CEP44: variants seen among roughly 807,000 people sequenced by gnomAD.
CEP44 encodes centrosomal protein 44.
A neutral mutation model predicts 46.7 loss-of-function variants in CEP44; 45 were observed. That is an observed-to-expected ratio of 0.96 (90% CI 0.76 to 1.24). The LOEUF (loss-of-function observed/expected upper bound fraction) is 1.24. CEP44 is among the 50% of genes most tolerant of loss of function. The probability of loss-of-function intolerance (pLI) is 0.00; values close to 1 mark genes in which losing one functional copy is unlikely to be tolerated. For synonymous variants in CEP44, 142 were observed against 146.0 expected (o/e 0.97, Z 0.20); for missense variants, 475 against 459.7 (o/e 1.03, Z -0.30).
exon 9 of CEP44, chr4:174,332,079 T>A (rs181151760): frequency 6.5e-6 from 1 of 152,978 alleles, no homozygotes; most frequent in Admixed American, 6.5e-5. Context: ...AGATCACACA[T>A]AGGTAAACTG....
rs1313576309 is a variant in CEP44 at position 174,331,090 on chromosome 4, G to T, written c.1087-392G>T. On this transcript the variant is annotated intron_variant, in intron 8 of 8. Coordinates refer to the CEP44 transcript ENST00000426172. The surrounding 1 kb of genome is among the most constrained non-coding windows in gnomAD (Gnocchi z 4.5). ...CCATAAAAGGTATACTTTTCTATAG[G>T]AATTGTTGTTTAAGTGTATGCTCAT... Among the ~76,000 whole-genome samples the T allele has an allele frequency of 6.6e-6, 1 of 151,946 alleles. No individual in the cohort carries two copies. Among genetic ancestry groups the T allele is most frequent in the Non-Finnish European group, 1.5e-5 (1 of 67,990 alleles).
At chr4:174,293,111 A>G (rs1448408211) in intron 1 of CEP44, among the ~76,000 whole-genome samples, 21 of 152,168 alleles carry the variant, frequency 1.4e-4, no homozygotes, top group African/African-American at 2.4e-5. Flanking sequence ...GTCTGCTTAC[A>G]TGTTCAAAAT....
rs1741101316 is a variant in CEP44, at chr4:174,311,717, T to A, written c.961+859T>A. Among the ~76,000 whole-genome samples the A allele has an allele frequency of 6.6e-6, 1 of 152,174 alleles. No individual in the cohort carries two copies. Among genetic ancestry groups the A allele is most frequent in the Non-Finnish European group, 1.5e-5 (1 of 68,000 alleles). ...TTTTATATTTTACAGTTGAGGAAAC[T>A]GAAGTACAGCAAAATTAAGTAACTA... is the stretch of plus-strand genomic sequence containing the variant. On this transcript the variant is annotated intron_variant, in intron 9 of 11. Transcript: ENST00000503780. The surrounding 1 kb of genome is among the most constrained non-coding windows in gnomAD (Gnocchi z 4.4).
chr4:174,319,883 A>G lies in CEP44; in HGVS notation c.*2500A>G. ...TTTTAAAAAGTTTTCTTGTTTAGGC[A>G]ATTTGGTAAGTGGTTTCTAGTTATA... On this transcript the variant is annotated 3_prime_UTR_variant, in exon 12 of 12. Coordinates refer to ENST00000503780, the MANE Select transcript of CEP44 (RefSeq NM_001040157.3). 1.0e-6 allele frequency: 1 copy of G among 985,300 alleles called. No homozygotes were observed. Among genetic ancestry groups the G allele is most frequent in the Non-Finnish European group, 1.2e-6 (1 of 829,814 alleles). The allele number at this position is 985,300 out of a possible 1,614,324, so 61.0% of individuals were successfully genotyped here. A position where few individuals can be genotyped will look rare whatever the true frequency, so the allele number is the denominator to read the frequency against.
chr4:174,331,410 A>C lies in CEP44; in HGVS notation c.1087-72A>C. 6.7e-7 allele frequency: 1 copy of C among 1,502,710 alleles called. No homozygotes were observed. The highest frequency in any genetic ancestry group is 9.0e-7 in the Non-Finnish European group (1 of 1,113,850). The allele number at this position is 1,502,710 out of a possible 1,614,324, so 93.1% of individuals were successfully genotyped here. ...ATTAATAGCACTCTGACACTGCTCT[A>C]ATTCCTATCTACCCATTCTGCCAAT... is the stretch of plus-strand genomic sequence containing the variant. On this transcript the variant is annotated intron_variant, in intron 8 of 8. Transcript: ENST00000426172. The surrounding 1 kb of genome is among the most constrained non-coding windows in gnomAD (Gnocchi z 4.5).
chr4:174,299,701 A>AT (rs1300605045), intron 3 of CEP44, among the ~76,000 whole-genome samples: 2 of 152,126 alleles, frequency 1.3e-5, no homozygotes, highest in Non-Finnish European at 2.9e-5. Flanking sequence ...TAGTTAGTAG[A>AT]TTTTTTTGTG....
rs1414610686 is a variant in CEP44 at position 174,308,701 on chromosome 4, G to A, written c.520G>A (p.Val174Met). Reference protein sequence around the residue: ...FMTSGKKKAVVIRHLYNEDNV... With the variant: ...FMTSGKKKAVMIRHLYNEDNV... ...TTTCTCTATGCAGAAGAAAGCTGTG[G>A]TGATTCGTCACTTGTATAATGAAGA... The change falls in exon 7 of 12, where the codon GTG (valine) becomes ATG (methionine). Residue 174 changes from valine (V) to methionine (M), a missense_variant. Transcript: ENST00000503780. The A allele has an allele frequency of 1.2e-6, 2 of 1,603,428 alleles. No individual in the cohort carries two copies. Among genetic ancestry groups the A allele is most frequent in the East Asian group, 2.2e-5 (1 of 44,622 alleles).
intron 1 of CEP44, chr4:174,284,297 C>T: frequency 5.3e-6 from 2 of 379,756 alleles, no homozygotes; most frequent in Non-Finnish European, 9.3e-6. Flanking sequence ...CTTATATACC[C>T]AACTAGTATA....
At position 174,287,924 on chromosome 4, in the gene CEP44, A is replaced by C. The variant is rs1737748832; in HGVS notation, c.-148+3981A>C. 6.6e-6 allele frequency among the ~76,000 whole-genome samples: 1 copy of C among 152,222 alleles called. No individual in the cohort carries two copies. The highest frequency in any genetic ancestry group is 2.1e-4 in the South Asian group (1 of 4,836). ...TGAAATTCTCTTCTTGCATCTGCTA[A>C]CTGAACGAGAAAATTCTGTGTGTGA... is the stretch of plus-strand genomic sequence containing the variant. On this transcript the variant is annotated intron_variant, in intron 1 of 11. Transcript: ENST00000503780. The surrounding 1 kb of genome is among the most constrained non-coding windows in gnomAD (Gnocchi z 5.1).
Position 174,287,126 on chromosome 4 carries a change from A to T in CEP44, c.-148+3183A>T, listed in dbSNP as rs372798892. ...TGAAGAATCAGCATCAAGAGGGGGA[A>T]TCGGTGTATTCCTTCTATTTCTAGG... On this transcript the variant is annotated intron_variant, in intron 1 of 11. Transcript: ENST00000503780. The surrounding 1 kb of genome is among the most constrained non-coding windows in gnomAD (Gnocchi z 5.1). Among the ~76,000 whole-genome samples, 1 of 152,110 alleles carries T rather than the reference A, an allele frequency of 6.6e-6. No homozygotes were observed. The highest frequency in any genetic ancestry group is 2.4e-5 in the African/African-American group (1 of 41,414).
In CEP44 at chr4:174,319,580, A is replaced by G; in HGVS notation, c.*2197A>G. The stretch of plus-strand genomic sequence containing the variant: ...TACACACAGAGAAGGGACTTAAAAC[A>G]TTTCTAATCTCCTAGTTTATATACA... On this transcript the variant is annotated 3_prime_UTR_variant, in exon 12 of 12. Coordinates refer to ENST00000503780, the MANE Select transcript of CEP44 (RefSeq NM_001040157.3). 1.3e-6 allele frequency: 1 copy of G among 762,260 alleles called. No homozygotes were observed. The highest frequency in any genetic ancestry group is 1.6e-6 in the Non-Finnish European group (1 of 626,366). 47.2% of individuals were successfully genotyped at this position (762,260 alleles called of 1,614,324 possible). A position where few individuals can be genotyped will look rare whatever the true frequency, so the allele number is the denominator to read the frequency against.
intron 1 of CEP44, among the ~76,000 whole-genome samples, chr4:174,289,203 G>C (rs1429781414): frequency 6.6e-6 from 1 of 151,206 alleles, no homozygotes. Context: ...TTCATCAAAT[G>C]TATTAGACTG....
chr4:174,287,439 G>A lies in CEP44; in HGVS notation c.-148+3496G>A, dbSNP rs189096384. Reference sequence around the variant, plus strand: ...TATTAGCCAGATGGAGAATGGGAGAGGGAAGGAGTTGCTCTGTATCTCTTC... The same window carrying A: ...TATTAGCCAGATGGAGAATGGGAGAAGGAAGGAGTTGCTCTGTATCTCTTC... On this transcript the variant is annotated intron_variant, in intron 1 of 11. Transcript: ENST00000503780. This position sits in a 1 kb window ranked among gnomAD's most constrained non-coding sequence, Gnocchi z 5.1. Among the ~76,000 whole-genome samples, 263 of 152,238 alleles carry A rather than the reference G, an allele frequency of 1.7e-3. 2 individuals carry two copies. Among genetic ancestry groups the A allele is most frequent in the African/African-American group, 5.9e-3 (243 of 41,536 alleles).
At position 174,295,307 on chromosome 4, in the gene CEP44, C is replaced by T. The variant is rs541532778; in HGVS notation, c.-147-2659C>T. 3.6e-4 allele frequency among the ~76,000 whole-genome samples: 54 copies of T among 150,690 alleles called. No individual in the cohort carries two copies. In the East Asian group the frequency reaches 9.0e-3, roughly 25 times the overall value. On this transcript the variant is annotated intron_variant, in intron 1 of 11. Transcript: ENST00000503780. Reference sequence around the variant, plus strand: ...GCAGAGACGCTCCTCACCTCCCAGACGGGGTCGCGGCCGGGTAGAGGTGCT... The same window carrying T: ...GCAGAGACGCTCCTCACCTCCCAGATGGGGTCGCGGCCGGGTAGAGGTGCT...
rs1737856414 is a variant in CEP44 at position 174,288,943 on chromosome 4, T to A, written c.-148+5000T>A. ...ATTTGCTATAAGGTTCTTCCATACC[T>A]AGTTTATTGGGAGTTTTTATCACAA... On this transcript the variant is annotated intron_variant, in intron 1 of 11. Transcript: ENST00000503780. This position sits in a 1 kb window ranked among gnomAD's most constrained non-coding sequence, Gnocchi z 4.6. 2.0e-5 allele frequency among the ~76,000 whole-genome samples: 3 copies of A among 152,208 alleles called. No homozygotes were observed. Among genetic ancestry groups the A allele is most frequent in the Non-Finnish European group, 4.4e-5 (3 of 68,026 alleles).
Position 174,308,727 on chromosome 4 carries a change from T to A in CEP44, c.546T>A (p.Asp182Glu), listed in dbSNP as rs1286267447. 6.2e-7 allele frequency: 1 copy of A among 1,612,634 alleles called. No individual in the cohort carries two copies. The highest frequency in any genetic ancestry group is 1.1e-5 in the South Asian group (1 of 90,970). Reference protein sequence around the residue: ...AVVIRHLYNEDNVDISEDTLS... With the variant: ...AVVIRHLYNEENVDISEDTLS... Reference sequence around the variant, plus strand: ...TGATTCGTCACTTGTATAATGAAGATAATGTTGACATTTCTGAGGATACAT... The same window carrying A: ...TGATTCGTCACTTGTATAATGAAGAAAATGTTGACATTTCTGAGGATACAT... Residue 182 changes from aspartate (D) to glutamate (E), a missense_variant, in exon 7 of 12, where the codon GAT (aspartate) becomes GAA (glutamate). By Grantham distance (45) the Asp-to-Glu change is conservative (BLOSUM62 2). Coordinates refer to ENST00000503780, the MANE Select transcript of CEP44 (RefSeq NM_001040157.3).
chr4:174,318,314 T>C lies in CEP44; in HGVS notation c.*931T>C. 1.0e-6 allele frequency: 1 copy of C among 985,266 alleles called. No individual in the cohort carries two copies. The highest frequency in any genetic ancestry group is 1.2e-6 in the Non-Finnish European group (1 of 829,830). The allele number at this position is 985,266 out of a possible 1,614,324, so 61.0% of individuals were successfully genotyped here. A position where few individuals can be genotyped will look rare whatever the true frequency, so the allele number is the denominator to read the frequency against. On this transcript the variant is annotated 3_prime_UTR_variant, in exon 12 of 12. Coordinates refer to ENST00000503780, the MANE Select transcript of CEP44 (RefSeq NM_001040157.3). ...CTGACCTCAGGTGATCTGCCTGTCT[T>C]GGCCTCCGGCGTAACACTTTTTAAG...
At chr4:174,299,490 A>G (rs1354266715) in intron 3 of CEP44, among the ~76,000 whole-genome samples, 1 of 152,226 alleles carries the variant, frequency 6.6e-6, no homozygotes, top group Non-Finnish European at 1.5e-5. Flanking sequence ...TCATAGAGGT[A>G]TAATAGATTT....
Position 174,288,796 on chromosome 4 carries a change from G to A in CEP44, c.-148+4853G>A, listed in dbSNP as rs75974036. Among the ~76,000 whole-genome samples the A allele has an allele frequency of 3.5e-3, 539 of 152,218 alleles. 3 individuals are homozygous for A. Among genetic ancestry groups the A allele is most frequent in the Middle Eastern group, 0.017 (5 of 294 alleles). ...TAAAATACTACGCTGAATAGGAGAG[G>A]CTAAAGTAGGCAACCTTGCCTTGTT... On this transcript the variant is annotated intron_variant, in intron 1 of 11. Transcript: ENST00000503780. The surrounding 1 kb of genome is among the most constrained non-coding windows in gnomAD (Gnocchi z 4.6).
Sources: allele counts gnomAD v4.1 joint callset (sites outside exome capture counted in the v4.1 genomes callset), GRCh38; gene constraint gnomAD v4.1.1; non-coding constraint Gnocchi (gnomAD v3.1); transcripts MANE v1.5; gene names NCBI Gene and HGNC (gene_info 2026-07-23, HGNC 2026-07-21).